PRR16: variants seen among roughly 807,000 people sequenced by gnomAD.
PRR16 encodes the protein proline rich 16.
A neutral mutation model predicts 18.2 loss-of-function variants in PRR16; 6 were observed. The ratio of observed to expected loss-of-function variants is 0.33; its 90% CI spans 0.18 to 0.65. PRR16 has a LOEUF of 0.65. PRR16 is among the 30% of genes least tolerant of loss of function. PRR16 has a pLI of 0.74. For missense variants in PRR16, 412 were observed against 376.6 expected, an observed-to-expected ratio of 1.09 and a Z score of -0.78; for synonymous variants, 151 against 147.8, an observed-to-expected ratio of 1.02 and a Z score of -0.16.
At chr5:120,489,852 G>A (rs1384949345) in intron 1 of PRR16, among the ~76,000 whole-genome samples, 1 of 152,144 alleles carries the variant, frequency 6.6e-6, no homozygotes, top group Non-Finnish European at 1.5e-5. Context: ...GCCTGGTGGT[G>A]ACAAAATCTC....
chr5:120,583,525 G>A (rs1487884957), intron 1 of PRR16, among the ~76,000 whole-genome samples: 1 of 152,108 alleles, frequency 6.6e-6, no homozygotes, highest in African/African-American at 2.4e-5. Context: ...TTTTAAATTG[G>A]TATTTGTACT....
intron 1 of PRR16, among the ~76,000 whole-genome samples, chr5:120,492,255 AGT>A (rs3991307): frequency 0.042 from 5,821 of 137,988 alleles, 130 homozygotes; most frequent in Middle Eastern, 0.08. Flanking sequence ...CGCTAATTTG[AGT>A]GTGTGTGTGT....
At chr5:120,545,643 T>A (rs1178193973) in intron 1 of PRR16, among the ~76,000 whole-genome samples, 1 of 152,120 alleles carries the variant, frequency 6.6e-6, no homozygotes, top group Admixed American at 6.6e-5. Flanking sequence ...TATAGATATC[T>A]GTGGAGAAAT....
chr5:120,554,797 G>A (rs929113778), intron 1 of PRR16, among the ~76,000 whole-genome samples: 4 of 151,866 alleles, frequency 2.6e-5, no homozygotes, highest in South Asian at 2.1e-4. Context: ...GTTGGGATTC[G>A]AAGGAAGGAA....
chr5:120,723,767 C>G, the PRR16 span, among the ~76,000 whole-genome samples: 8 of 151,812 alleles, frequency 5.3e-5, no homozygotes, highest in Non-Finnish European at 1.2e-4. Flanking sequence ...TATTTTGTCC[C>G]TATGCATTAC....
At chr5:120,636,378 A>G (rs545057343) in intron 1 of PRR16, among the ~76,000 whole-genome samples, 10 of 152,306 alleles carry the variant, frequency 6.6e-5, no homozygotes, top group South Asian at 4.1e-4. Context: ...TTCAAACTAT[A>G]CTATGAGGCC....
chr5:120,688,590 C>A (rs747233488), downstream of PRR16, among the ~76,000 whole-genome samples: 1 of 152,124 alleles, frequency 6.6e-6, no homozygotes, highest in Non-Finnish European at 1.5e-5. Context: ...ATAATTACTT[C>A]CTTTCACATG....
At chr5:120,619,696 C>T (rs897424137) in intron 1 of PRR16, among the ~76,000 whole-genome samples, 1 of 151,956 alleles carries the variant, frequency 6.6e-6, no homozygotes, top group Non-Finnish European at 1.5e-5. Context: ...TATAGTAAAG[C>T]AGTTGTTTGA....
the PRR16 span, among the ~76,000 whole-genome samples, chr5:120,745,984 T>C: frequency 4.6e-5 from 7 of 151,912 alleles, no homozygotes; most frequent in South Asian, 6.2e-4. Context: ...AATGCTGGGA[T>C]TACAGGTGTG....
At chr5:120,669,412 G>T (rs1434884912) in intron 1 of PRR16, among the ~76,000 whole-genome samples, 3 of 151,554 alleles carry the variant, frequency 2.0e-5, no homozygotes, top group Non-Finnish European at 2.9e-5. Context: ...ATGGCTTATT[G>T]TTTTTTAAAA....
intron 1 of PRR16, among the ~76,000 whole-genome samples, chr5:120,636,100 A>G (rs1291907655): frequency 3.3e-5 from 5 of 152,180 alleles, no homozygotes; most frequent in Non-Finnish European, 7.3e-5. Context: ...AAGGAAAACT[A>G]TAAAACACTG....
intron 1 of PRR16, among the ~76,000 whole-genome samples, chr5:120,599,859 C>T (rs1185168156): frequency 6.6e-6 from 1 of 151,752 alleles, no homozygotes. Context: ...TCAATTTCCT[C>T]TTTCTGGTTT....
At chr5:120,506,257 C>G (rs911660391) in intron 1 of PRR16, among the ~76,000 whole-genome samples, 2 of 151,784 alleles carry the variant, frequency 1.3e-5, no homozygotes, top group Non-Finnish European at 2.9e-5. Flanking sequence ...TTCTTTATAA[C>G]TTATTTCACA....
At chr5:120,723,084 A>G in the PRR16 span, among the ~76,000 whole-genome samples, 2 of 151,886 alleles carry the variant, frequency 1.3e-5, no homozygotes, top group African/African-American at 2.4e-5. Flanking sequence ...TATAAATCAT[A>G]TTTTGAGTTG....
At chr5:120,554,562 G>A (rs897633689) in intron 1 of PRR16, among the ~76,000 whole-genome samples, 23 of 151,892 alleles carry the variant, frequency 1.5e-4, no homozygotes, top group African/African-American at 5.6e-4. Flanking sequence ...AATCTGAGAG[G>A]CAATTCTATT....
chr5:120,642,942 T>C (rs1365417861), intron 1 of PRR16, among the ~76,000 whole-genome samples: 1 of 152,148 alleles, frequency 6.6e-6, no homozygotes, highest in Non-Finnish European at 1.5e-5. Context: ...CATTCTTGAT[T>C]TCTGATTACC....
intron 1 of PRR16, among the ~76,000 whole-genome samples, chr5:120,670,570 C>G (rs1410857267): frequency 6.6e-6 from 1 of 152,130 alleles, no homozygotes; most frequent in African/African-American, 2.4e-5. Flanking sequence ...GTCACGTATT[C>G]TGGATGATTA....
At chr5:120,561,545 T>C (rs1323563242) in intron 1 of PRR16, among the ~76,000 whole-genome samples, 1 of 152,134 alleles carries the variant, frequency 6.6e-6, no homozygotes, top group Admixed American at 6.6e-5. Flanking sequence ...ATACAGTCTG[T>C]TCTTGAGAAT....
At chr5:120,672,533 GAT>G (rs1229747123) in intron 1 of PRR16, among the ~76,000 whole-genome samples, 7 of 60,846 alleles carry the variant, frequency 1.2e-4, no homozygotes, top group South Asian at 1.1e-3. Flanking sequence ...TTATGTTATA[GAT>G]ATATATGTGT....
Sources: gnomAD v4.1 joint callset for allele counts (sites outside exome capture counted in the v4.1 genomes callset) on GRCh38, gnomAD v4.1.1 for gene constraint, MANE v1.5 for transcripts, NCBI Gene and HGNC (gene_info 2026-07-23, HGNC 2026-07-21) for gene names.